Variants in RORA observed in about 807,000 individuals in gnomAD.
The protein encoded by RORA is nuclear receptor ROR-alpha.
In RORA, 7 loss-of-function variants were observed where a neutral mutation model predicts 69.5. That is an observed-to-expected ratio of 0.10 (90% CI 0.06 to 0.19). The LOEUF (loss-of-function observed/expected upper bound fraction) is 0.19. RORA is among the 10% of genes least tolerant of loss of function. RORA has a pLI of 1.00. For missense variants in RORA, 457 were observed against 663.0 expected (o/e 0.69, Z 3.41); for synonymous variants, 261 against 240.8 (o/e 1.08, Z -0.78).
chr15:61,004,723 C>A (rs2140384770), intron 1 of RORA, among the ~76,000 whole-genome samples: 1 of 152,284 alleles, frequency 6.6e-6, no homozygotes, highest in African/African-American at 2.4e-5. Context: ...GAGTAAATAA[C>A]ACTCAGCAAC....
intron 1 of RORA, among the ~76,000 whole-genome samples, chr15:61,035,344 G>C (rs911748458): frequency 4.0e-5 from 6 of 151,842 alleles, no homozygotes; most frequent in Non-Finnish European, 7.4e-5. Context: ...AAACATACCA[G>C]ATAAAAATAA....
At chr15:60,789,345 T>C (rs2072383743) in intron 1 of RORA, among the ~76,000 whole-genome samples, 1 of 152,248 alleles carries the variant, frequency 6.6e-6, no homozygotes, top group Admixed American at 6.5e-5. Flanking sequence ...TTTAATCACA[T>C]ACACAAACAC....
At chr15:61,093,171 C>T (rs375351163) in intron 1 of RORA, among the ~76,000 whole-genome samples, 5 of 152,128 alleles carry the variant, frequency 3.3e-5, no homozygotes, top group South Asian at 4.1e-4. Context: ...ATTTATTCCA[C>T]AAAGAGATAA....
intron 1 of RORA, among the ~76,000 whole-genome samples, chr15:60,840,701 T>C (rs1168970691): frequency 2.0e-5 from 3 of 152,230 alleles, no homozygotes; most frequent in African/African-American, 7.2e-5. Flanking sequence ...TCACAGCACA[T>C]CTTCTTACCC....
intron 6 of RORA, among the ~76,000 whole-genome samples, chr15:60,503,932 A>C (rs953536861): frequency 2.6e-5 from 4 of 152,058 alleles, no homozygotes; most frequent in Admixed American, 6.5e-5. Context: ...CCTCCTGAGT[A>C]GCTGGGATTA....
At chr15:60,641,453 A>G (rs1219264550) in intron 2 of RORA, among the ~76,000 whole-genome samples, 2 of 152,120 alleles carry the variant, frequency 1.3e-5, no homozygotes, top group African/African-American at 4.8e-5. Context: ...TCTGTTGCCC[A>G]GACTGGAGTG....
intron 2 of RORA, among the ~76,000 whole-genome samples, chr15:60,574,803 A>T (rs1369975720): frequency 6.6e-6 from 1 of 152,238 alleles, no homozygotes; most frequent in African/African-American, 2.4e-5. Context: ...CCCAAGATCC[A>T]TCAGCTAATA....
At chr15:60,876,460 G>A (rs1231288317) in intron 1 of RORA, among the ~76,000 whole-genome samples, 1 of 152,064 alleles carries the variant, frequency 6.6e-6, no homozygotes, top group Non-Finnish European at 1.5e-5. Flanking sequence ...CAAAGATAAT[G>A]TTCTCTTTGG....
At chr15:60,728,985 CGTT>C (rs1166323842) in intron 1 of RORA, among the ~76,000 whole-genome samples, 1 of 152,184 alleles carries the variant, frequency 6.6e-6, no homozygotes, top group African/African-American at 2.4e-5. Context: ...AGAGCTAATA[CGTT>C]GTTATATCCA....
chr15:61,059,988 GGAAGAAGAAGAAGAAGAAGAAGAA>G (rs71122901), intron 1 of RORA, among the ~76,000 whole-genome samples: 104 of 85,948 alleles, frequency 1.2e-3, no homozygotes, highest in East Asian at 8.6e-3. Context: ...AAGAGGAAGA[GGAAGAAGAAGAAGAAGAAGAAGAA>G]GAAGAAGAAG....
intron 1 of RORA, among the ~76,000 whole-genome samples, chr15:61,057,147 G>A (rs917176285): frequency 2.6e-5 from 4 of 152,142 alleles, no homozygotes; most frequent in African/African-American, 4.8e-5. Flanking sequence ...CCTTAGACTC[G>A]ACAGGCGAAG....
At chr15:61,195,128 G>A (rs981223875) in intron 1 of RORA, among the ~76,000 whole-genome samples, 2 of 151,962 alleles carry the variant, frequency 1.3e-5, no homozygotes, top group African/African-American at 2.4e-5. Flanking sequence ...AATAGCCCCG[G>A]TCTTTTTAAA....
At chr15:60,919,613 C>G (rs2140488025) in intron 1 of RORA, among the ~76,000 whole-genome samples, 1 of 152,256 alleles carries the variant, frequency 6.6e-6, no homozygotes, top group South Asian at 2.1e-4. Flanking sequence ...GTATCACATT[C>G]CTTTCACTGG....
chr15:60,768,033 G>A (rs924714309), intron 1 of RORA, among the ~76,000 whole-genome samples: 9 of 152,170 alleles, frequency 5.9e-5, no homozygotes, highest in Non-Finnish European at 1.0e-4. Context: ...AGTTTTCCTG[G>A]CTGAATCACA....
intron 1 of RORA, among the ~76,000 whole-genome samples, chr15:61,093,397 C>T (rs2078738381): frequency 6.6e-6 from 1 of 152,184 alleles, no homozygotes; most frequent in Admixed American, 6.5e-5. Flanking sequence ...ACCAGCCAAA[C>T]AAATGATATA....
At chr15:60,627,378 T>A in intron 2 of RORA, 1 of 1,613,994 alleles carries the variant, frequency 6.2e-7, no homozygotes, top group Non-Finnish European at 8.5e-7. Flanking sequence ...CATTCATGCC[T>A]TTTCCTGGTT....
intron 3 of RORA, among the ~76,000 whole-genome samples, chr15:60,518,384 T>TATCA (rs1304119579): frequency 6.6e-6 from 1 of 152,228 alleles, no homozygotes; most frequent in Non-Finnish European, 1.5e-5. Context: ...GATGACAGAT[T>TATCA]ATCAGTCTTA....
chr15:60,768,757 T>C (rs11071554), intron 1 of RORA, among the ~76,000 whole-genome samples: 51,960 of 152,098 alleles, frequency 0.34, 10,651 homozygotes, highest in Non-Finnish European at 0.45. Flanking sequence ...ATTTTTGTTA[T>C]TTCTAATGAA....
intron 1 of RORA, among the ~76,000 whole-genome samples, chr15:60,952,378 C>T (rs1244188352): frequency 6.6e-6 from 1 of 152,102 alleles, no homozygotes; most frequent in East Asian, 1.9e-4. Flanking sequence ...TGAAAACTGG[C>T]ACAAGACAGG....
Sources: gnomAD v4.1 joint callset for allele counts (sites outside exome capture counted in the v4.1 genomes callset) on GRCh38, gnomAD v4.1.1 for gene constraint, MANE v1.5 for transcripts, NCBI Gene and HGNC (gene_info 2026-07-23, HGNC 2026-07-21) for gene names.